Variants in ZNF407 observed in about 807,000 individuals in gnomAD.
The protein encoded by ZNF407 is zinc finger protein 407.
In ZNF407, 17 loss-of-function variants were observed where a neutral mutation model predicts 131.2. That is an observed-to-expected ratio of 0.13 (90% CI 0.09 to 0.19). The LOEUF is 0.19. Among genes scored for constraint, ZNF407 ranks in the 10% least tolerant of loss-of-function variants. The probability of loss-of-function intolerance (pLI) is 1.00; values close to 1 mark genes in which losing one functional copy is unlikely to be tolerated. For missense variants in ZNF407, 2,681 were observed against 2,830.6 expected (o/e 0.95, Z 1.20); for synonymous variants, 1,156 against 1,062.0 (o/e 1.09, Z -1.72).
At chr18:74,598,720 A>G (rs1568308443) in intron 1 of ZNF407, among the ~76,000 whole-genome samples, 1 of 152,220 alleles carries the variant, frequency 6.6e-6, no homozygotes, top group Non-Finnish European at 1.5e-5. Flanking sequence ...GCTGCCTGAC[A>G]CCGCTGCGGG....
chr18:74,734,381 T>G (rs995162437), intron 3 of ZNF407, among the ~76,000 whole-genome samples: 1 of 152,178 alleles, frequency 6.6e-6, no homozygotes, highest in Non-Finnish European at 1.5e-5. Context: ...TGTGAAAACT[T>G]AGTTGTTTTA....
chr18:75,063,690 A>T lies in ZNF407; in HGVS notation c.5969A>T (p.Asp1990Val). ...VAPPEASSAL[D>V]ALLCAVTELG... Reference sequence around the variant, plus strand: ...CCCCCCGAGGCATCCTCAGCCCTGGATGCATTGCTCTGTGCGGTCACTGAA... The same window carrying T: ...CCCCCCGAGGCATCCTCAGCCCTGGTTGCATTGCTCTGTGCGGTCACTGAA... Residue 1990 changes from aspartate (D) to valine (V), a missense_variant, in exon 9 of 9, where the codon GAT becomes GTT. By Grantham distance (152) the Asp-to-Val change is radical. This residue lies in a region of ZNF407 where 620 missense variants were observed against 583.1 expected (regional missense o/e 1.06). Transcript: ENST00000299687. This position sits in a 1 kb window ranked among gnomAD's most constrained non-coding sequence, Gnocchi z 6.6. The T allele has an allele frequency of 6.2e-7, 1 of 1,611,684 alleles. No individual in the cohort carries two copies. Among genetic ancestry groups the T allele is most frequent in the South Asian group, 1.1e-5 (1 of 90,808 alleles).
At chr18:74,894,487 A>T (rs1026438284) in intron 7 of ZNF407, among the ~76,000 whole-genome samples, 1 of 152,142 alleles carries the variant, frequency 6.6e-6, no homozygotes, top group African/African-American at 2.4e-5. Flanking sequence ...ATAGCTTAAA[A>T]TTCCTACTTT....
chr18:74,919,489 G>A (rs1350307819), intron 7 of ZNF407, among the ~76,000 whole-genome samples: 2 of 152,090 alleles, frequency 1.3e-5, no homozygotes, highest in East Asian at 3.9e-4. Context: ...AGAACATCTT[G>A]CAGGATTTTT....
intron 4 of ZNF407, among the ~76,000 whole-genome samples, chr18:74,799,858 C>G (rs1307736937): frequency 6.9e-6 from 1 of 144,690 alleles, no homozygotes; most frequent in African/African-American, 2.6e-5. Flanking sequence ...ATTTGTCATT[C>G]TTAGGTTCTA....
Position 74,881,045 on chromosome 18 carries a change from C to T in ZNF407, c.5054C>T (p.Ser1685Leu), listed in dbSNP as rs571111328. ...DHYRTHTGEK[S>L]FLCDLCGFAG... Reference sequence around the variant, plus strand: ...TTTGTTGTTGCAACAGGCGAGAAGTCGTTTCTGTGTGACCTCTGCGGCTTT... The same window carrying T: ...TTTGTTGTTGCAACAGGCGAGAAGTTGTTTCTGTGTGACCTCTGCGGCTTT... Residue 1685 changes from serine to leucine, a missense_variant, in exon 6 of 9, where the codon TCG becomes TTG. This residue lies in a region of ZNF407 where 213 missense variants were observed against 332.2 expected (regional missense o/e 0.64). Coordinates refer to ENST00000299687, the MANE Select transcript of ZNF407 (RefSeq NM_017757.3). The T allele has an allele frequency of 1.3e-5, 21 of 1,587,370 alleles. No homozygotes were observed. The highest frequency in any genetic ancestry group is 3.5e-5 in the Admixed American group (2 of 56,810).
At chr18:74,704,978 T>TA (rs1599083962) in intron 3 of ZNF407, among the ~76,000 whole-genome samples, 3 of 152,188 alleles carry the variant, frequency 2.0e-5, no homozygotes, top group Admixed American at 6.5e-5. Context: ...ACCCCAGTAT[T>TA]AGGATTAGAA....
intron 3 of ZNF407, among the ~76,000 whole-genome samples, chr18:74,755,289 T>A (rs947110475): frequency 5.3e-5 from 8 of 152,230 alleles, no homozygotes; most frequent in African/African-American, 1.9e-4. Flanking sequence ...GGGTCTTGAT[T>A]CTTTGTCCAG....
At chr18:74,639,971 A>G (rs928146346) in intron 2 of ZNF407, among the ~76,000 whole-genome samples, 2 of 152,110 alleles carry the variant, frequency 1.3e-5, no homozygotes, top group Non-Finnish European at 2.9e-5. Context: ...TATATTTATT[A>G]AAGTTCACAT....
chr18:75,022,442 TCAGA>T (rs1042984559), intron 8 of ZNF407, among the ~76,000 whole-genome samples: 3 of 152,230 alleles, frequency 2.0e-5, no homozygotes, highest in Non-Finnish European at 2.9e-5. Context: ...AGAGCACTCC[TCAGA>T]CAGAGCTGGG....
intron 8 of ZNF407, among the ~76,000 whole-genome samples, chr18:74,947,162 TA>T (rs1411808729): frequency 6.6e-6 from 1 of 152,232 alleles, no homozygotes; most frequent in African/African-American, 2.4e-5. Flanking sequence ...TTCTCCTTTT[TA>T]TTTGCATAAT....
chr18:74,797,587 G>A (rs1969943902), intron 4 of ZNF407, among the ~76,000 whole-genome samples: 1 of 152,336 alleles, frequency 6.6e-6, no homozygotes, highest in South Asian at 2.1e-4. Context: ...TGCACTCTGG[G>A]TCATATCAAC....
Position 74,695,105 on chromosome 18 carries a change from T to G in ZNF407, c.4802+53983T>G, listed in dbSNP as rs1967319885. Among the ~76,000 whole-genome samples the G allele has an allele frequency of 2.0e-5, 3 of 152,358 alleles. No homozygotes were observed. The South Asian group carries it at 6.2e-4, about 32-fold the overall frequency. On this transcript the variant is annotated intron_variant, in intron 3 of 8. Coordinates refer to ENST00000299687, the MANE Select transcript of ZNF407 (RefSeq NM_017757.3). ...TGGTTTTTATAAGAAGTTACAGAAGTTGACATCAGAGTTACTTGCCATCTT... is the reference window on the plus strand; with the variant it reads ...TGGTTTTTATAAGAAGTTACAGAAGGTGACATCAGAGTTACTTGCCATCTT...
chr18:74,884,691 AT>A (rs1388526005), intron 6 of ZNF407, among the ~76,000 whole-genome samples: 1 of 152,212 alleles, frequency 6.6e-6, no homozygotes, highest in Non-Finnish European at 1.5e-5. Flanking sequence ...TATATATGAC[AT>A]TATTCCTTAG....
rs542808567 is a variant in ZNF407 at position 74,601,658 on chromosome 18, C to T, written c.-54+3721C>T. ...GCATATCCCATGGCAAGAGCAGGAG[C>T]GAGAGAGTGGGGAGGTGCTATGCAC... On this transcript the variant is annotated intron_variant, in intron 1 of 8. Coordinates refer to ENST00000299687, the MANE Select transcript of ZNF407 (RefSeq NM_017757.3). Among the ~76,000 whole-genome samples the T allele has an allele frequency of 1.7e-3, 265 of 152,042 alleles. 2 individuals carry two copies. Among genetic ancestry groups the T allele is most frequent in the African/African-American group, 6.0e-3 (247 of 41,450 alleles).
intron 3 of ZNF407, among the ~76,000 whole-genome samples, chr18:74,658,268 G>A (rs1259266847): frequency 1.3e-5 from 2 of 151,966 alleles, no homozygotes; most frequent in African/African-American, 2.4e-5. Context: ...ACAGGAATGC[G>A]CCACCATGCC....
At chr18:75,012,275 CACATA>C (rs1422757920) in intron 8 of ZNF407, among the ~76,000 whole-genome samples, 1 of 150,236 alleles carries the variant, frequency 6.7e-6, no homozygotes, top group African/African-American at 2.5e-5. Context: ...AGTGTATGTA[CACATA>C]GTGTATGTAC....
chr18:75,029,607 GTGTGTGTGCC>G (rs912748585), intron 8 of ZNF407, among the ~76,000 whole-genome samples: 3 of 152,174 alleles, frequency 2.0e-5, no homozygotes, highest in African/African-American at 7.2e-5. Flanking sequence ...GTGTGCATGG[GTGTGTGTGCC>G]TGGGTGTGCG....
intron 3 of ZNF407, among the ~76,000 whole-genome samples, chr18:74,718,109 A>G (rs1967938869): frequency 6.6e-6 from 1 of 152,046 alleles, no homozygotes; most frequent in African/African-American, 2.4e-5. Flanking sequence ...ATACATTTTG[A>G]TGGGTTCTGA....
Sources: gnomAD v4.1 joint callset for allele counts (sites outside exome capture counted in the v4.1 genomes callset) on GRCh38, gnomAD v4.1.1 for gene constraint, gnomAD v4.1.1 regional missense constraint, Gnocchi (gnomAD v3.1) non-coding constraint, MANE v1.5 for transcripts, NCBI Gene and HGNC (gene_info 2026-07-23, HGNC 2026-07-21) for gene names.